Variants in MED23 observed in about 807,000 individuals in gnomAD.
The protein encoded by MED23 is mediator complex subunit 23, also known as mediator of RNA polymerase II transcription subunit 23.
In MED23, 105 loss-of-function variants were observed where a neutral mutation model predicts 163.9. That is an observed-to-expected ratio of 0.64 (90% confidence interval 0.55 to 0.75). MED23 has a LOEUF of 0.75. Among genes scored for constraint, MED23 ranks in the 30% least tolerant of loss-of-function variants. MED23 has a pLI of 0.00. For missense variants in MED23, 1,054 were observed against 1,649.0 expected (o/e 0.64, Z 6.25); for synonymous variants, 561 against 565.6 (o/e 0.99, Z 0.12).
chr6:131,604,369 A>T (rs936865342), intron 14 of MED23, 49 bp from the exon 15 acceptor site: 2 of 1,574,046 alleles, frequency 1.3e-6, no homozygotes, highest in Non-Finnish European at 1.7e-6. Flanking sequence ...TTTTGACATA[A>T]ACATAGGGGC....
At chr6:131,615,197 C>G in intron 10 of MED23, 1 of 945,270 alleles carries the variant, frequency 1.1e-6, no homozygotes, top group Non-Finnish European at 1.6e-6. Flanking sequence ...TTTTAGTGGC[C>G]TTGGTCTCAG....
chr6:131,588,753 T>C (rs551968880), intron 28 of MED23, among the ~76,000 whole-genome samples: 2 of 152,208 alleles, frequency 1.3e-5, no homozygotes, highest in South Asian at 4.1e-4. Context: ...CCAGATTCTG[T>C]TTCCTACACG....
intron 11 of MED23, among the ~76,000 whole-genome samples, chr6:131,608,988 ACT>A (rs1393468796): frequency 6.6e-6 from 1 of 151,902 alleles, no homozygotes; most frequent in Non-Finnish European, 1.5e-5. Context: ...GACTCCCGCT[ACT>A]CTCTGTATTC....
chr6:131,593,326 T>C (rs1214237277), intron 23 of MED23, among the ~76,000 whole-genome samples, 155 bp from the exon 24 acceptor site: 1 of 152,254 alleles, frequency 6.6e-6, no homozygotes, highest in Admixed American at 6.5e-5. Flanking sequence ...TGAAATGTAT[T>C]AAAAGCAACC....
intron 3 of MED23, among the ~76,000 whole-genome samples, chr6:131,625,724 A>G (rs1198111660): frequency 6.6e-6 from 1 of 152,208 alleles, no homozygotes. Context: ...GATATTCAAC[A>G]TCACTGAGAG....
chr6:131,597,487 A>G (rs564168900), intron 20 of MED23, among the ~76,000 whole-genome samples: 1 of 150,916 alleles, frequency 6.6e-6, no homozygotes, highest in East Asian at 1.9e-4. Context: ...AAAAAAAAAA[A>G]AAAAAAAAAA....
chr6:131,615,275 C>T (rs368499376), intron 10 of MED23: 22 of 1,599,242 alleles, frequency 1.4e-5, no homozygotes, highest in South Asian at 6.6e-5. Flanking sequence ...GGCTACAAAG[C>T]GGCCAGCGTA....
chr6:131,584,729 T>A (rs969433879), downstream of MED23, among the ~76,000 whole-genome samples: 1 of 151,764 alleles, frequency 6.6e-6, no homozygotes, highest in Non-Finnish European at 1.5e-5. Context: ...ACACCTGTAA[T>A]CCCAGCACTT....
intron 8 of MED23, among the ~76,000 whole-genome samples, chr6:131,618,764 G>C (rs1036574206): frequency 2.6e-5 from 4 of 152,204 alleles, no homozygotes; most frequent in Non-Finnish European, 5.9e-5. Flanking sequence ...CTAGGGCAGA[G>C]ATCAGCCAAC....
At position 131,587,411 on chromosome 6, in the gene MED23, T is replaced by C. The variant is rs140768571; in HGVS notation, c.*268A>G. 70 of 1,255,620 alleles carry C rather than the reference T, an allele frequency of 5.6e-5. No individual in the cohort carries two copies. In the East Asian group the frequency reaches 2.7e-3, roughly 48 times the overall value. The allele number at this position is 1,255,620 out of a possible 1,614,324, so 77.8% of individuals were successfully genotyped here. A position where few individuals can be genotyped will look rare whatever the true frequency, so the allele number is the denominator to read the frequency against. On this transcript the variant is annotated 3_prime_UTR_variant, in exon 29 of 29. Coordinates refer to ENST00000368068, the MANE Select transcript of MED23 (RefSeq NM_004830.4). ...CAATGACAAGTCATTTGATCACAGA[T>C]ACCTCTATGTTCCTACATAGCTCTA...
intron 10 of MED23, among the ~76,000 whole-genome samples, chr6:131,610,917 A>G (rs1585532652): frequency 6.6e-6 from 1 of 152,208 alleles, no homozygotes; most frequent in East Asian, 1.9e-4. Flanking sequence ...AGACCACTTT[A>G]AAATCTAAAA....
Position 131,618,428 on chromosome 6 carries a change from T to A in MED23, c.759A>T (p.Lys253Asn). 1 of 1,613,722 alleles carries A rather than the reference T, an allele frequency of 6.2e-7. No homozygotes were observed. The highest frequency in any genetic ancestry group is 8.5e-7 in the Non-Finnish European group (1 of 1,179,698). ...LDPATLRFPLKGLLPYDKDLF... is the reference protein window; with the variant it reads ...LDPATLRFPLNGLLPYDKDLF... ...ATACCTTATCATATGGCAAAAGGCC[T>A]TTCAAAGGAAAACGAAGAGTAGCAG... Residue 253 changes from lysine to asparagine, a missense_variant, in exon 9 of 29, where the codon AAA becomes AAT. Around this residue, in one of 11 missense-constraint regions of MED23, gnomAD observed 54 missense variants for 79.7 expected, o/e 0.68. Coordinates refer to ENST00000368068, the MANE Select transcript of MED23 (RefSeq NM_004830.4).
intron 17 of MED23, among the ~76,000 whole-genome samples, 156 bp downstream of exon 17, chr6:131,602,062 T>G (rs944694967): frequency 3.3e-5 from 5 of 152,174 alleles, no homozygotes; most frequent in Admixed American, 6.5e-5. Context: ...CAAAAGAGCT[T>G]CCATAAATGA....
Position 131,578,409 on chromosome 6 carries a change from T to A in MED23, c.4096-4114A>T, listed in dbSNP as rs141713726. 9.1e-4 allele frequency among the ~76,000 whole-genome samples: 138 copies of A among 152,212 alleles called. 1 individual carries two copies. In the East Asian group the frequency reaches 0.02, roughly 22 times the overall value. ...ACTGAATCACAGTTTTACATGACACTCTCTACTTTTCAAGCCTAATTCAAG... is the reference window on the plus strand; with the variant it reads ...ACTGAATCACAGTTTTACATGACACACTCTACTTTTCAAGCCTAATTCAAG... On this transcript the variant is annotated intron_variant, in intron 30 of 30. Coordinates refer to the MED23 transcript ENST00000354577.
At chr6:131,593,768 A>G (rs549437292) in intron 23 of MED23, among the ~76,000 whole-genome samples, 2 of 152,276 alleles carry the variant, frequency 1.3e-5, no homozygotes, top group South Asian at 4.1e-4. Context: ...TACGTTCTCC[A>G]GTAGCACACA....
rs201736450 is a variant in MED23 at position 131,596,537 on chromosome 6, T to C, written c.2759A>G (p.Lys920Arg). The C allele has an allele frequency of 6.2e-7, 1 of 1,614,188 alleles. No individual in the cohort carries two copies. Among genetic ancestry groups the C allele is most frequent in the African/African-American group, 1.3e-5 (1 of 75,060 alleles). Reference protein sequence around the residue: ...EHWLQNDWHTKHMNYHKKYPE... With the variant: ...EHWLQNDWHTRHMNYHKKYPE... Reference sequence around the variant, plus strand: ...TAGTACCTTGTGATAATTCATGTGCTTGGTGTGCCAGTCATTCTGTAACCA... The same window carrying C: ...TAGTACCTTGTGATAATTCATGTGCCTGGTGTGCCAGTCATTCTGTAACCA... Residue 920 changes from lysine (K) to arginine (R), a missense_variant, in exon 21 of 29, where the codon AAG becomes AGG. Lys to Arg is a conservative substitution (Grantham distance 26, BLOSUM62 2). This residue lies in a region of MED23 where 228 missense variants were observed against 461.3 expected (regional missense o/e 0.49). Coordinates refer to ENST00000368068, the MANE Select transcript of MED23 (RefSeq NM_004830.4).
chr6:131,625,002 A>T lies in MED23; in HGVS notation c.160-13T>A, dbSNP rs761307956. On this transcript the variant is annotated splice_polypyrimidine_tract_variant and intron_variant, in intron 3 of 28. Coordinates refer to ENST00000368068, the MANE Select transcript of MED23 (RefSeq NM_004830.4). ...GTTCATGAGACTCCTGGAAAATGAGAGAATGATTTTACTTGGGGTCTAAAG... is the reference window on the plus strand; with the variant it reads ...GTTCATGAGACTCCTGGAAAATGAGTGAATGATTTTACTTGGGGTCTAAAG... 6.2e-7 allele frequency: 1 copy of T among 1,613,092 alleles called. No homozygotes were observed. The highest frequency in any genetic ancestry group is 8.5e-7 in the Non-Finnish European group (1 of 1,179,746).
chr6:131,584,211 C>A, downstream of MED23: 1 of 350,348 alleles, frequency 2.9e-6, no homozygotes, highest in Non-Finnish European at 5.3e-6. Context: ...TACATAAGCC[C>A]CCATACATAG....
In MED23 at chr6:131,589,608, A is replaced by C. The variant is rs749589282; in HGVS notation, c.3808-12T>G. 7 of 1,612,784 alleles carry C rather than the reference A, an allele frequency of 4.3e-6. No individual in the cohort carries two copies. The African/African-American group carries it at 8.0e-5, about 19-fold the overall frequency. ...AACGCCACACCAATCTATTTAACAA[A>C]TAATGTAAAATTATTTAAGTGATCA... On this transcript the variant is annotated splice_polypyrimidine_tract_variant and intron_variant, in intron 27 of 28. Transcript: ENST00000368068.
Sources: allele counts gnomAD v4.1 joint callset (sites outside exome capture counted in the v4.1 genomes callset), GRCh38; gene constraint gnomAD v4.1.1; regional missense constraint gnomAD v4.1.1; transcripts MANE v1.5; gene names NCBI Gene and HGNC (gene_info 2026-07-23, HGNC 2026-07-21).